Variants in CUX1 observed in about 807,000 individuals in gnomAD.
The protein encoded by CUX1 is cut like homeobox 1.
Under a neutral mutation model 158.8 loss-of-function variants are expected in CUX1, and 31 were observed. That is an observed-to-expected ratio of 0.20 (90% CI 0.15 to 0.26). The LOEUF (loss-of-function observed/expected upper bound fraction) is 0.26. Among genes scored for constraint, CUX1 ranks in the 10% least tolerant of loss-of-function variants. The pLI is 1.00. For missense variants in CUX1, 1,589 were observed against 2,014.6 expected (o/e 0.79, Z 4.04); for synonymous variants, 879 against 862.1 (o/e 1.02, Z -0.34).
At chr7:102,141,556 C>T (rs977232368) in intron 8 of CUX1, among the ~76,000 whole-genome samples, 3 of 151,890 alleles carry the variant, frequency 2.0e-5, no homozygotes, top group Non-Finnish European at 4.4e-5. Flanking sequence ...AAGCTGAGAG[C>T]GATAACTAGT....
intron 21 of CUX1, among the ~76,000 whole-genome samples, chr7:102,229,546 A>G (rs1798733194): frequency 1.3e-5 from 2 of 150,746 alleles, no homozygotes; most frequent in Non-Finnish European, 2.9e-5. Flanking sequence ...TCCTGACCTC[A>G]AGTGATCCAC....
chr7:101,977,637 T>G (rs1355345958), intron 2 of CUX1, among the ~76,000 whole-genome samples: 1 of 152,028 alleles, frequency 6.6e-6, no homozygotes, highest in Non-Finnish European at 1.5e-5. Context: ...AGTGAAACCG[T>G]GGCTCAAAAT....
chr7:102,201,498 C>A lies in CUX1; in HGVS notation c.2201C>A (p.Ser734Tyr). 6.2e-7 allele frequency: 1 copy of A among 1,614,178 alleles called. No homozygotes were observed. Among genetic ancestry groups the A allele is most frequent in the Non-Finnish European group, 8.5e-7 (1 of 1,180,024 alleles). The stretch of plus-strand genomic sequence containing the variant: ...CCTGCCTTAAAGCAGGCACCACTGT[C>A]CCAGAGTGACATCACCATCCTCACC... Reference protein sequence around the residue: ...LDPALKQAPLSQSDITILTPK... With the variant: ...LDPALKQAPLYQSDITILTPK... The change falls in exon 18 of 24, where the codon TCC (serine) becomes TAC (tyrosine). Residue 734 changes from serine (S) to tyrosine (Y), a missense_variant. By Grantham distance (144) the Ser-to-Tyr change is moderately radical (BLOSUM62 -2). Transcript: ENST00000292535. This position sits in a 1 kb window ranked among gnomAD's most constrained non-coding sequence, Gnocchi z 5.0.
intron 8 of CUX1, among the ~76,000 whole-genome samples, chr7:102,121,457 T>C (rs1832040253): frequency 6.6e-6 from 1 of 151,984 alleles, no homozygotes; most frequent in Non-Finnish European, 1.5e-5. Flanking sequence ...GCGATTCTCC[T>C]GCCTCAGTCT....
At chr7:101,816,098 G>A (rs764671386), upstream of CUX1, 1 of 1,368,012 alleles carries the variant, frequency 7.3e-7, no homozygotes, top group Non-Finnish European at 9.7e-7. Flanking sequence ...CTGCAGGTCA[G>A]GCTCCTCCGC....
intron 4 of CUX1, among the ~76,000 whole-genome samples, chr7:102,084,858 C>CTT (rs60908109): frequency 0.14 from 7,735 of 56,048 alleles, 807 homozygotes; most frequent in African/African-American, 0.18. Flanking sequence ...ATTTTCCTTG[C>CTT]TTTTTTTTTT....
intron 2 of CUX1, among the ~76,000 whole-genome samples, chr7:101,937,326 C>G (rs775642414): frequency 6.6e-6 from 1 of 152,166 alleles, no homozygotes; most frequent in Non-Finnish European, 1.5e-5. Flanking sequence ...ATCTCCAGGT[C>G]ATCATAGCAC....
chr7:102,141,693 G>A (rs1179787410), intron 8 of CUX1, among the ~76,000 whole-genome samples: 2 of 151,972 alleles, frequency 1.3e-5, no homozygotes, highest in African/African-American at 4.8e-5. Flanking sequence ...CACAATCTTG[G>A]CTCACTTCAA....
At chr7:101,910,816 A>T (rs1803349060) in intron 1 of CUX1, among the ~76,000 whole-genome samples, 1 of 152,186 alleles carries the variant, frequency 6.6e-6, no homozygotes, top group East Asian at 1.9e-4. Flanking sequence ...TTGGGAAAAA[A>T]ATTTTCCCAC....
chr7:101,919,749 A>C (rs541009829), intron 2 of CUX1, among the ~76,000 whole-genome samples: 73 of 152,342 alleles, frequency 4.8e-4, no homozygotes, highest in African/African-American at 1.7e-3. Context: ...CTGCCATCGG[A>C]GATTTCACCT....
At chr7:102,030,022 T>C (rs1269813505) in intron 3 of CUX1, among the ~76,000 whole-genome samples, 1 of 152,150 alleles carries the variant, frequency 6.6e-6, no homozygotes, top group Non-Finnish European at 1.5e-5. Flanking sequence ...TGCTTTTTTT[T>C]TTTTTTGAGA....
intron 8 of CUX1, among the ~76,000 whole-genome samples, chr7:102,128,274 A>G (rs1554496013): frequency 2.0e-5 from 3 of 152,152 alleles, no homozygotes; most frequent in Non-Finnish European, 2.9e-5. Context: ...ACGTTTGTAG[A>G]TGCCTCTAGT....
At chr7:102,112,317 C>T (rs150015174) in intron 7 of CUX1, among the ~76,000 whole-genome samples, 13 of 149,540 alleles carry the variant, frequency 8.7e-5, no homozygotes, top group African/African-American at 3.2e-4. Context: ...TCTTGACTCA[C>T]TGCAAGCTCC....
intron 8 of CUX1, among the ~76,000 whole-genome samples, chr7:102,148,986 T>C (rs396162): frequency 0.17 from 25,979 of 152,048 alleles, 3,139 homozygotes; most frequent in African/African-American, 0.34. Flanking sequence ...ATGCAGGTTG[T>C]TGTGAATGTC....
chr7:102,199,380 A>G (rs1251852672), intron 16 of CUX1, among the ~76,000 whole-genome samples: 2 of 152,216 alleles, frequency 1.3e-5, no homozygotes, highest in Non-Finnish European at 2.9e-5. Context: ...GTAAGAAATT[A>G]AACTATCCGG....
chr7:102,011,624 G>A (rs1818039318), intron 2 of CUX1, among the ~76,000 whole-genome samples: 1 of 151,388 alleles, frequency 6.6e-6, no homozygotes, highest in South Asian at 2.1e-4. Context: ...CAGGTGACCT[G>A]CCCACCTTGG....
At chr7:102,039,633 C>T (rs1479274947) in intron 3 of CUX1, among the ~76,000 whole-genome samples, 2 of 137,244 alleles carry the variant, frequency 1.5e-5, no homozygotes, top group East Asian at 4.2e-4. Flanking sequence ...CCAGTCTGGG[C>T]AACAGAGCGA....
chr7:102,051,654 C>CAAAAAAAAAAAAAAAAA (rs1299911064), intron 3 of CUX1, among the ~76,000 whole-genome samples: 16 of 89,736 alleles, frequency 1.8e-4, no homozygotes, highest in African/African-American at 6.0e-4. Context: ...GACTCTGTCT[C>CAAAAAAAAAAAAAAAAA]AAAAAAAAAA....
intron 20 of CUX1, among the ~76,000 whole-genome samples, chr7:102,210,113 T>G (rs538934755): frequency 3.3e-5 from 5 of 152,206 alleles, no homozygotes; most frequent in African/African-American, 1.2e-4. Context: ...TTTTTGTTTT[T>G]TGAGATGGAG....
Sources: gnomAD v4.1 joint callset for allele counts (sites outside exome capture counted in the v4.1 genomes callset) on GRCh38, gnomAD v4.1.1 for gene constraint, Gnocchi (gnomAD v3.1) non-coding constraint, MANE v1.5 for transcripts, NCBI Gene and HGNC (gene_info 2026-07-23, HGNC 2026-07-21) for gene names.